The following VAV2 variants were observed in gnomAD, a reference collection of about 807,000 sequenced individuals.
The protein encoded by VAV2 is guanine nucleotide exchange factor VAV2.
Under a neutral mutation model 132.5 loss-of-function variants are expected in VAV2, and 67 were observed. That is an observed-to-expected ratio of 0.51 (90% CI 0.42 to 0.62). The LOEUF is 0.62. VAV2 is among the 20% of genes least tolerant of loss of function. The pLI, the probability that VAV2 is intolerant of heterozygous loss-of-function variation, is 0.00. For synonymous variants in VAV2, 492 were observed against 443.5 expected (o/e 1.11, Z -1.37); for missense variants, 938 against 1,153.6 (o/e 0.81, Z 2.71).
intron 8 of VAV2, among the ~76,000 whole-genome samples, 173 bp from the exon 9 acceptor site, chr9:133,806,354 G>A (rs1005175313): frequency 6.6e-6 from 1 of 152,230 alleles, no homozygotes; most frequent in Non-Finnish European, 1.5e-5. Context: ...CAGGTAGAAG[G>A]TTCTATGGCG....
chr9:133,926,671 C>T lies in VAV2; in HGVS notation c.321+12432G>A, dbSNP rs987994837. Among the ~76,000 whole-genome samples the T allele has an allele frequency of 3.2e-4, 48 of 152,136 alleles. No individual in the cohort carries two copies. Among genetic ancestry groups the T allele is most frequent in the African/African-American group, 1.2e-3 (48 of 41,430 alleles). On this transcript the variant is annotated intron_variant, in intron 2 of 29. Transcript: ENST00000371850. The surrounding 1 kb of genome is among the most constrained non-coding windows in gnomAD (Gnocchi z 4.3). ...ACCTGGTGAACTGCAGCTCACATCT[C>T]GAACCCCAGCACCTCCTCCAGGAAG...
chr9:133,983,839 G>A (rs185785877), intron 1 of VAV2, among the ~76,000 whole-genome samples: 38 of 136,504 alleles, frequency 2.8e-4, no homozygotes, highest in African/African-American at 9.6e-4. Context: ...CAGCAGGAAC[G>A]CCAGTGCTCG....
In VAV2 at chr9:133,834,478, C is replaced by T; in HGVS notation, c.381-138G>A. 3.5e-6 allele frequency: 3 copies of T among 865,196 alleles called. No homozygotes were observed. Among genetic ancestry groups the T allele is most frequent in the East Asian group, 5.3e-5 (2 of 37,544 alleles). 53.6% of individuals were successfully genotyped at this position (865,196 alleles called of 1,614,324 possible). A position where few individuals can be genotyped will look rare whatever the true frequency, so the allele number is the denominator to read the frequency against. On this transcript the variant is annotated intron_variant, in intron 3 of 29. Coordinates refer to ENST00000371850, the MANE Select transcript of VAV2 (RefSeq NM_001134398.2). The surrounding 1 kb of genome is among the most constrained non-coding windows in gnomAD (Gnocchi z 5.9). The stretch of plus-strand genomic sequence containing the variant: ...CTCTTGTCCACTCTCTGGAAGGACA[C>T]AGGGTGCGCGGACACTGATCGGAGT...
rs1834780280 is a variant in VAV2 at position 133,797,819 on chromosome 9, GCA to G, written c.837-12_837-11del. 6.2e-7 allele frequency: 1 copy of G among 1,609,496 alleles called. No individual in the cohort carries two copies. The highest frequency in any genetic ancestry group is 1.7e-4 in the Middle Eastern group (1 of 6,046). The stretch of plus-strand genomic sequence containing the variant: ...CCCGTAGATCAGAAGCCTGGACGGT[GCA>G]CACACACGCACACACGCACACAGAT... On this transcript the variant is annotated splice_polypyrimidine_tract_variant and intron_variant, in intron 9 of 29. Coordinates refer to ENST00000371850, the MANE Select transcript of VAV2 (RefSeq NM_001134398.2).
chr9:133,877,156 C>T (rs56908632), intron 2 of VAV2, among the ~76,000 whole-genome samples: 1,840 of 152,326 alleles, frequency 0.012, 41 homozygotes, highest in African/African-American at 0.041. Context: ...GCTAGACCCC[C>T]TTCTGCCACC....
chr9:133,894,849 T>A (rs1369685349), intron 2 of VAV2, among the ~76,000 whole-genome samples: 2 of 152,152 alleles, frequency 1.3e-5, no homozygotes, highest in Admixed American at 6.5e-5. Context: ...CATGACGCTA[T>A]GACCCTAGGC....
rs754273516 is a variant in VAV2 at position 133,947,618 on chromosome 9, G to A, written c.205-8399C>T. On this transcript the variant is annotated intron_variant, in intron 1 of 29. Transcript: ENST00000371850. Reference sequence around the variant, plus strand: ...GGAGGCTGAGGCAGAAGAATCGATTGAACTCGGGAGGTGGAGGTTGCAGTG... The same window carrying A: ...GGAGGCTGAGGCAGAAGAATCGATTAAACTCGGGAGGTGGAGGTTGCAGTG... Among the ~76,000 whole-genome samples the A allele has an allele frequency of 9.7e-4, 146 of 151,126 alleles. 1 individual carries two copies. The highest frequency in any genetic ancestry group is 2.9e-4 in the Non-Finnish European group (20 of 67,804).
rs757868363 is a variant in VAV2 at position 133,823,702 on chromosome 9, C to G, written c.449+10570G>C. ...TTCCTGGAAAATGGCAAGATGAATG[C>G]GTATGTCTTTAAAGCTGCCCTTCTG... On this transcript the variant is annotated intron_variant, in intron 4 of 29. Coordinates refer to ENST00000371850, the MANE Select transcript of VAV2 (RefSeq NM_001134398.2). The surrounding 1 kb of genome is among the most constrained non-coding windows in gnomAD (Gnocchi z 5.5). Among the ~76,000 whole-genome samples the G allele has an allele frequency of 2.0e-5, 3 of 152,130 alleles. No individual in the cohort carries two copies. In the South Asian group the frequency reaches 6.2e-4, roughly 31 times the overall value.
intron 2 of VAV2, among the ~76,000 whole-genome samples, chr9:133,864,839 G>T (rs1383451844): frequency 6.6e-6 from 1 of 152,222 alleles, no homozygotes; most frequent in Non-Finnish European, 1.5e-5. Context: ...CTCCACAATG[G>T]ACAGGGAAGC....
At chr9:133,856,937 G>A (rs1260211292) in intron 3 of VAV2, among the ~76,000 whole-genome samples, 3 of 152,122 alleles carry the variant, frequency 2.0e-5, no homozygotes, top group African/African-American at 2.4e-5. Flanking sequence ...TAGCAGCCGC[G>A]GGCCTTCCAC....
At chr9:133,815,496 G>A (rs1835520647) in intron 4 of VAV2, among the ~76,000 whole-genome samples, 2 of 152,184 alleles carry the variant, frequency 1.3e-5, no homozygotes, top group South Asian at 4.1e-4. Context: ...CCTTCTGACT[G>A]TTCTTCACCA....
chr9:133,866,308 G>A (rs543771312), intron 2 of VAV2, among the ~76,000 whole-genome samples: 2 of 152,206 alleles, frequency 1.3e-5, no homozygotes, highest in African/African-American at 4.8e-5. Flanking sequence ...GATTCTACGT[G>A]TTGGGGGGAG....
intron 9 of VAV2, among the ~76,000 whole-genome samples, chr9:133,800,977 G>A (rs926340940): frequency 2.0e-5 from 3 of 152,260 alleles, no homozygotes; most frequent in Non-Finnish European, 4.4e-5. Context: ...GTAGAGGCCT[G>A]TCCAAGGTCA....
At chr9:133,924,102 C>T (rs1296868641) in intron 2 of VAV2, among the ~76,000 whole-genome samples, 1 of 152,080 alleles carries the variant, frequency 6.6e-6, no homozygotes, top group Non-Finnish European at 1.5e-5. Flanking sequence ...ATCAAACCTG[C>T]AGATTGTGCA....
At chr9:133,971,276 G>A (rs768649319) in intron 1 of VAV2, among the ~76,000 whole-genome samples, 17 of 152,150 alleles carry the variant, frequency 1.1e-4, no homozygotes, top group Non-Finnish European at 1.6e-4. Flanking sequence ...TTGGCCCCTC[G>A]GTGTTTAACT....
chr9:133,903,322 C>T (rs556686261), intron 2 of VAV2, among the ~76,000 whole-genome samples: 4 of 152,236 alleles, frequency 2.6e-5, no homozygotes, highest in Non-Finnish European at 4.4e-5. Context: ...CACTGTCCCT[C>T]GGGCCCCTTC....
At chr9:133,820,073 G>A (rs1187852072) in intron 4 of VAV2, among the ~76,000 whole-genome samples, 1 of 152,140 alleles carries the variant, frequency 6.6e-6, no homozygotes, top group Non-Finnish European at 1.5e-5. Context: ...GGGGACAATG[G>A]CCATCTGTCC....
rs763065913 is a variant in VAV2, at chr9:133,807,270, G to A, written c.723C>T (p.Phe241=). 6.2e-7 allele frequency: 1 copy of A among 1,610,830 alleles called. No homozygotes were observed. Residue 241 remains phenylalanine (F), a synonymous_variant, in exon 8 of 30, where the codon TTC becomes TTT. Transcript: ENST00000371850. The stretch of plus-strand genomic sequence containing the variant: ...CCGGGACCCTTACCTCCAGGTTAAT[G>A]AAGACAGCTGCCATGTCCGCCGGGC... ...VLSPADMAAV[F]INLEDLIKVH...
intron 4 of VAV2, among the ~76,000 whole-genome samples, chr9:133,817,575 T>C (rs1019160353): frequency 6.6e-6 from 1 of 152,128 alleles, no homozygotes; most frequent in African/African-American, 2.4e-5. Context: ...ACCACTGCAC[T>C]CCAGCCTGGG....
Sources: gnomAD v4.1 joint callset for allele counts (sites outside exome capture counted in the v4.1 genomes callset) on GRCh38, gnomAD v4.1.1 for gene constraint, Gnocchi (gnomAD v3.1) non-coding constraint, MANE v1.5 for transcripts, NCBI Gene and HGNC (gene_info 2026-07-23, HGNC 2026-07-21) for gene names.